Variants in DNAH9 observed in about 807,000 individuals in gnomAD.
DNAH9 encodes the protein DNAH9 variant protein.
A neutral mutation model predicts 471.6 loss-of-function variants in DNAH9; 345 were observed. That is an observed-to-expected ratio of 0.73 (90% CI 0.67 to 0.80). DNAH9 has a LOEUF of 0.80. Among genes scored for constraint, DNAH9 ranks in the 30% least tolerant of loss-of-function variants. The pLI, the probability that DNAH9 is intolerant of heterozygous loss-of-function variation, is 0.00. For missense variants in DNAH9, 5,407 were observed against 5,609.2 expected (o/e 0.96, Z 1.15); for synonymous variants, 2,093 against 2,123.6 (o/e 0.99, Z 0.40).
At chr17:11,836,957 G>A (rs1597716768) in intron 49 of DNAH9, among the ~76,000 whole-genome samples, 1 of 152,124 alleles carries the variant, frequency 6.6e-6, no homozygotes, top group African/African-American at 2.4e-5. Flanking sequence ...CTGAGCTTGC[G>A]TTTTCTCATC....
intron 57 of DNAH9, among the ~76,000 whole-genome samples, chr17:11,888,196 G>C (rs879359833): frequency 2.0e-5 from 3 of 151,956 alleles, no homozygotes; most frequent in Admixed American, 6.6e-5. Flanking sequence ...GTGTTAGCCA[G>C]GATGGTCTCG....
chr17:11,605,970 GACT>G (rs1398370946), intron 1 of DNAH9, among the ~76,000 whole-genome samples: 1 of 151,626 alleles, frequency 6.6e-6, no homozygotes, highest in Non-Finnish European at 1.5e-5. Context: ...AGAGAACTCT[GACT>G]ATATAAAAAT....
intron 67 of DNAH9, among the ~76,000 whole-genome samples, chr17:11,954,802 A>T (rs1975557332): frequency 2.0e-5 from 3 of 151,144 alleles, no homozygotes; most frequent in African/African-American, 7.3e-5. Flanking sequence ...AGAGAAAGAA[A>T]TTTCTTAGAA....
At chr17:11,930,765 CA>C (rs11371438) in intron 63 of DNAH9, among the ~76,000 whole-genome samples, 23 of 125,138 alleles carry the variant, frequency 1.8e-4, no homozygotes, top group Non-Finnish European at 1.3e-4. Flanking sequence ...ACTCCATCTC[CA>C]AAAAAAAAAA....
At chr17:11,798,432 CAAAAAAAAAAAA>C (rs71142247) in intron 43 of DNAH9, among the ~76,000 whole-genome samples, 28 of 61,594 alleles carry the variant, frequency 4.5e-4, no homozygotes, top group Admixed American at 6.5e-4. Context: ...GACTCTGCCT[CAAAAAAAAAAAA>C]AAAAAAAAAA....
intron 48 of DNAH9, among the ~76,000 whole-genome samples, chr17:11,834,116 A>C (rs997486817): frequency 2.0e-5 from 3 of 151,944 alleles, no homozygotes; most frequent in Non-Finnish European, 2.9e-5. Context: ...ACCACCTGAG[A>C]TCAGGAGTTC....
intron 67 of DNAH9, among the ~76,000 whole-genome samples, chr17:11,959,750 G>T (rs1389450744): frequency 6.6e-6 from 1 of 152,160 alleles, no homozygotes; most frequent in Non-Finnish European, 1.5e-5. Flanking sequence ...TGTGGCCTCA[G>T]ATTCATCACA....
At chr17:11,750,037 AGAT>A in intron 32 of DNAH9, among the ~76,000 whole-genome samples, 1 of 152,314 alleles carries the variant, frequency 6.6e-6, no homozygotes, top group South Asian at 2.1e-4. Context: ...AAATTTTATT[AGAT>A]TTATACATTA....
chr17:11,843,256 G>A (rs1399169362), intron 49 of DNAH9, among the ~76,000 whole-genome samples: 1 of 151,972 alleles, frequency 6.6e-6, no homozygotes, highest in African/African-American at 2.4e-5. Context: ...ATTATTTATG[G>A]ATGATATAAA....
chr17:11,962,284 G>A lies in DNAH9; in HGVS notation c.13233+28G>A, dbSNP rs766465026. 4 of 1,549,670 alleles carry A rather than the reference G, an allele frequency of 2.6e-6. No individual in the cohort carries two copies. Among genetic ancestry groups the A allele is most frequent in the Admixed American group, 4.0e-5 (2 of 50,616 alleles). On this transcript the variant is annotated intron_variant, in intron 68 of 68. Coordinates refer to ENST00000262442, the MANE Select transcript of DNAH9 (RefSeq NM_001372.4). The surrounding 1 kb of genome is among the most constrained non-coding windows in gnomAD (Gnocchi z 4.1). ...AAAGCTTGGAATGAACCAAAGGGCA[G>A]CTTTCTGGGGGCTGATTAAATACAC...
At chr17:11,631,702 A>G (rs1567677485) in intron 7 of DNAH9, among the ~76,000 whole-genome samples, 1 of 152,050 alleles carries the variant, frequency 6.6e-6, no homozygotes, top group Non-Finnish European at 1.5e-5. Context: ...ACCCTACAAT[A>G]CAGTAAAACA....
At chr17:11,656,765 T>G (rs887025905) in intron 14 of DNAH9, among the ~76,000 whole-genome samples, 1 of 152,172 alleles carries the variant, frequency 6.6e-6, no homozygotes, top group African/African-American at 2.4e-5. Context: ...CCCATTCTCC[T>G]GCGAGCCTCA....
chr17:11,890,152 TAAAG>T (rs1038828286), intron 57 of DNAH9, among the ~76,000 whole-genome samples: 5 of 152,152 alleles, frequency 3.3e-5, no homozygotes. Flanking sequence ...GTTATTTTGA[TAAAG>T]AGAGAGCTTT....
intron 10 of DNAH9, among the ~76,000 whole-genome samples, chr17:11,642,582 G>A (rs2073297451): frequency 6.6e-6 from 1 of 152,186 alleles, no homozygotes; most frequent in Non-Finnish European, 1.5e-5. Flanking sequence ...TTCTATAATA[G>A]GTATTGATTG....
In DNAH9 at chr17:11,739,032, C is replaced by T; in HGVS notation, c.5967C>T (p.Leu1989=). The T allele has an allele frequency of 6.2e-7, 1 of 1,613,200 alleles. No individual in the cohort carries two copies. The highest frequency in any genetic ancestry group is 1.6e-4 in the Middle Eastern group (1 of 6,062). The stretch of plus-strand genomic sequence containing the variant: ...AGCTGCCAGAGAATCTCAAGTCTCT[C>T]TTCAGGTGAGTGTCAGTTCTGCCCC... The part of the protein sequence containing the change: ...RTELPENLKS[L]FRPCAMVVPD... Residue 1989 remains leucine, a synonymous_variant, in exon 29 of 69, where the codon CTC becomes CTT. Coordinates refer to ENST00000262442, the MANE Select transcript of DNAH9 (RefSeq NM_001372.4).
intron 50 of DNAH9, among the ~76,000 whole-genome samples, chr17:11,854,796 C>T (rs1413470048): frequency 6.6e-6 from 1 of 152,194 alleles, no homozygotes; most frequent in African/African-American, 2.4e-5. Flanking sequence ...GCCTGTCTCA[C>T]TTTCAGTAGC....
At chr17:11,903,060 G>A (rs1973466394) in intron 60 of DNAH9, 148 bp downstream of exon 60, 4 of 877,542 alleles carry the variant, frequency 4.6e-6, no homozygotes, top group Non-Finnish European at 5.0e-6. Context: ...AACTAAACAG[G>A]CCAGGCGCGG....
chr17:11,939,402 G>A (rs1974823332), intron 66 of DNAH9, among the ~76,000 whole-genome samples: 1 of 152,202 alleles, frequency 6.6e-6, no homozygotes, highest in South Asian at 2.1e-4. Context: ...CCCAAGAAAT[G>A]GGGTGTGTAT....
At chr17:11,879,668 TA>T (rs1440887440) in intron 53 of DNAH9, among the ~76,000 whole-genome samples, 1 of 152,144 alleles carries the variant, frequency 6.6e-6, no homozygotes, top group Non-Finnish European at 1.5e-5. Context: ...CCCAGTCATT[TA>T]AAATTACATG....
Sources: gnomAD v4.1 joint callset for allele counts (sites outside exome capture counted in the v4.1 genomes callset) on GRCh38, gnomAD v4.1.1 for gene constraint, Gnocchi (gnomAD v3.1) non-coding constraint, MANE v1.5 for transcripts, NCBI Gene and HGNC (gene_info 2026-07-23, HGNC 2026-07-21) for gene names.